Variants in CEP83 observed in about 807,000 individuals in gnomAD.
CEP83 encodes centrosomal protein 83.
A neutral mutation model predicts 101.9 loss-of-function variants in CEP83; 70 were observed. The ratio of observed to expected loss-of-function variants is 0.69; its 90% confidence interval spans 0.57 to 0.84. The LOEUF is 0.84. CEP83 is among the 40% of genes least tolerant of loss of function. The pLI is 0.00. For synonymous variants in CEP83, 264 were observed against 267.9 expected (o/e 0.99, Z 0.14); for missense variants, 715 against 787.2 (o/e 0.91, Z 1.10).
At chr12:94,450,338 G>A (rs1566246597) in intron 1 of CEP83, among the ~76,000 whole-genome samples, 2 of 152,140 alleles carry the variant, frequency 1.3e-5, no homozygotes, top group South Asian at 2.1e-4. Flanking sequence ...TGCAAGCTCC[G>A]CCTCCCGGGT....
intron 1 of CEP83, among the ~76,000 whole-genome samples, chr12:94,439,071 C>G (rs979671301): frequency 6.6e-6 from 1 of 152,004 alleles, no homozygotes; most frequent in Admixed American, 6.6e-5. Flanking sequence ...AACAAAAATT[C>G]TGAAAAAGCA....
chr12:94,450,454 G>A (rs1018036045), intron 1 of CEP83, among the ~76,000 whole-genome samples: 9 of 152,080 alleles, frequency 5.9e-5, no homozygotes, highest in South Asian at 4.1e-4. Flanking sequence ...GGGTTTCACC[G>A]TGTTAGCCAA....
intron 5 of CEP83, 177 bp from the exon 6 acceptor site, chr12:94,401,158 A>C (rs965004151): frequency 1.0e-5 from 3 of 295,494 alleles, no homozygotes; most frequent in South Asian, 2.8e-4. Context: ...AGTATCCTAC[A>C]TACAGAAGTA....
chr12:94,414,432 T>G (rs1271387139), intron 2 of CEP83, among the ~76,000 whole-genome samples: 1 of 152,188 alleles, frequency 6.6e-6, no homozygotes, highest in Non-Finnish European at 1.5e-5. Context: ...ATCTAAATAG[T>G]TAGCAGCCAT....
the CEP83 span, among the ~76,000 whole-genome samples, chr12:94,301,316 G>A: frequency 6.6e-5 from 10 of 152,104 alleles, no homozygotes; most frequent in Non-Finnish European, 1.3e-4. Context: ...CAAAGTATGC[G>A]TTTTGTTTCC....
At chr12:94,449,407 C>T (rs570199143) in intron 1 of CEP83, among the ~76,000 whole-genome samples, 10 of 152,062 alleles carry the variant, frequency 6.6e-5, no homozygotes, top group African/African-American at 2.2e-4. Flanking sequence ...GGAACATATA[C>T]CCAAAATTCC....
intron 4 of CEP83, 84 bp from the exon 5 acceptor site, chr12:94,403,346 G>T: frequency 1.6e-6 from 1 of 643,946 alleles, no homozygotes; most frequent in Non-Finnish European, 2.7e-6. Flanking sequence ...TCCTAATTAT[G>T]ACAATGGAAT....
At chr12:94,356,762 C>T (rs4761608) in intron 11 of CEP83, among the ~76,000 whole-genome samples, 37,812 of 152,128 alleles carry the variant, frequency 0.25, 4,978 homozygotes, top group South Asian at 0.33. Flanking sequence ...CGCTCTTACT[C>T]GAGCTTGTCT....
the CEP83 span, among the ~76,000 whole-genome samples, chr12:94,292,897 A>C: frequency 3.9e-5 from 6 of 152,242 alleles, no homozygotes; most frequent in Admixed American, 2.0e-4. Context: ...AAACAAATAA[A>C]TTATAAGCGT....
chr12:94,409,873 T>C (rs1053771475), intron 4 of CEP83, among the ~76,000 whole-genome samples: 5 of 152,120 alleles, frequency 3.3e-5, no homozygotes, highest in African/African-American at 4.8e-5. Flanking sequence ...AGGACACCAG[T>C]AATATTGAGT....
intron 2 of CEP83, among the ~76,000 whole-genome samples, chr12:94,431,704 T>C (rs891517752): frequency 6.6e-6 from 1 of 151,994 alleles, no homozygotes; most frequent in Non-Finnish European, 1.5e-5. Flanking sequence ...CATCATTAAT[T>C]ACCAGGGAAA....
rs1969343610 is a variant in CEP83 at position 94,308,652 on chromosome 12, C to T, written c.*161G>A. The T allele has an allele frequency of 4.8e-5, 22 of 461,824 alleles. No individual in the cohort carries two copies. The East Asian group carries it at 7.4e-4, about 16-fold the overall frequency. The allele number at this position is 461,824 out of a possible 1,614,324, so 28.6% of individuals were successfully genotyped here. On this transcript the variant is annotated 3_prime_UTR_variant, in exon 17 of 17. Coordinates refer to ENST00000397809, the MANE Select transcript of CEP83 (RefSeq NM_016122.3). ...GCTTCACTTGTATAATCTTAAAATC[C>T]TGACAGTCATACAATACAGCATGTA...
chr12:94,338,888 G>A lies in CEP83; in HGVS notation c.1344-3224C>T, dbSNP rs530804944. Among the ~76,000 whole-genome samples, 8 of 152,128 alleles carry A rather than the reference G, an allele frequency of 5.3e-5. No homozygotes were observed. The South Asian group carries it at 1.7e-3, about 32-fold the overall frequency. On this transcript the variant is annotated intron_variant, in intron 11 of 16. Coordinates refer to ENST00000397809, the MANE Select transcript of CEP83 (RefSeq NM_016122.3). ...ATTTCAAGTTCCCTTCAAAGTATAG[G>A]GAAGTCAACCGTAAGGATCATGGTC... is the stretch of plus-strand genomic sequence containing the variant.
intron 6 of CEP83, among the ~76,000 whole-genome samples, chr12:94,380,700 T>C (rs1593559106): frequency 6.6e-6 from 1 of 152,164 alleles, no homozygotes; most frequent in Admixed American, 6.5e-5. Context: ...CAGACAATGG[T>C]GCCCTTTACT....
At chr12:94,320,105 C>T (rs969743363) in intron 14 of CEP83, among the ~76,000 whole-genome samples, 1 of 151,932 alleles carries the variant, frequency 6.6e-6, no homozygotes, top group African/African-American at 2.4e-5. Flanking sequence ...TTATGTAAAC[C>T]CGTGTCTTTT....
intron 4 of CEP83, among the ~76,000 whole-genome samples, chr12:94,411,366 A>T (rs2063868635): frequency 6.6e-6 from 1 of 152,154 alleles, no homozygotes; most frequent in African/African-American, 2.4e-5. Flanking sequence ...ATATACAAAT[A>T]CTAGTAACTC....
At chr12:94,401,965 C>A (rs576311664) in intron 5 of CEP83, among the ~76,000 whole-genome samples, 1 of 152,124 alleles carries the variant, frequency 6.6e-6, no homozygotes, top group Non-Finnish European at 1.5e-5. Flanking sequence ...TAGACTACAG[C>A]TCTCCAAAGG....
chr12:94,321,057 G>T (rs905562571), intron 14 of CEP83, among the ~76,000 whole-genome samples: 1 of 152,080 alleles, frequency 6.6e-6, no homozygotes, highest in Non-Finnish European at 1.5e-5. Context: ...TTTCTTGGAG[G>T]TTTTGTTCAT....
In CEP83 at chr12:94,308,011, G is replaced by A. The variant is rs1969257767; in HGVS notation, c.*802C>T. On this transcript the variant is annotated 3_prime_UTR_variant, in exon 17 of 17. Transcript: ENST00000397809. ...ATGTCACATTAAAAAGGCTTCCAAT[G>A]GGTGTAGACCAAAAAAAATGAGAGC... is the stretch of plus-strand genomic sequence containing the variant. The A allele has an allele frequency of 6.6e-6, 1 of 152,076 alleles. No individual in the cohort carries two copies. Among genetic ancestry groups the A allele is most frequent in the African/African-American group, 2.4e-5 (1 of 41,414 alleles). The allele number at this position is 152,076 out of a possible 1,614,324, so 9.4% of individuals were successfully genotyped here. A position where few individuals can be genotyped will look rare whatever the true frequency, so the allele number is the denominator to read the frequency against.
Sources: gnomAD v4.1 joint callset for allele counts (sites outside exome capture counted in the v4.1 genomes callset) on GRCh38, gnomAD v4.1.1 for gene constraint, MANE v1.5 for transcripts, NCBI Gene and HGNC (gene_info 2026-07-23, HGNC 2026-07-21) for gene names.